ZBTB25: variants seen among roughly 807,000 people sequenced by gnomAD.
ZBTB25 encodes the protein zinc finger and BTB domain containing 25.
Under a neutral mutation model 34.2 loss-of-function variants are expected in ZBTB25, and 20 were observed. The observed-to-expected ratio is 0.58, with a 90% CI of 0.41 to 0.85. The LOEUF (loss-of-function observed/expected upper bound fraction) is 0.85. ZBTB25 is among the 40% of genes least tolerant of loss of function. The pLI, the probability that ZBTB25 is intolerant of heterozygous loss-of-function variation, is 0.00. For missense variants in ZBTB25, 437 were observed against 521.8 expected, an observed-to-expected ratio of 0.84 and a Z score of 1.58; for synonymous variants, 175 against 186.4, an observed-to-expected ratio of 0.94 and a Z score of 0.50.
At chr14:64,474,387 T>G (rs967681868), downstream of ZBTB25, 3 of 167,128 alleles carry the variant, frequency 1.8e-5, no homozygotes, top group Non-Finnish European at 4.4e-5. Context: ...TTAAAATTAG[T>G]ACTAAATTAC....
chr14:64,458,458 G>C (rs1463925550), intron 2 of ZBTB25: 2 of 699,532 alleles, frequency 2.9e-6, no homozygotes, highest in Non-Finnish European at 5.2e-6. Flanking sequence ...GGATAGTAAT[G>C]AGAGTTGGCA....
intron 1 of ZBTB25, among the ~76,000 whole-genome samples, chr14:64,496,371 G>A (rs2079276095): frequency 6.6e-6 from 1 of 151,994 alleles, no homozygotes; most frequent in Non-Finnish European, 1.5e-5. Flanking sequence ...TGTAATCCCA[G>A]CTACTCGGGA....
chr14:64,452,489 G>C (rs1037837410), intron 2 of ZBTB25, among the ~76,000 whole-genome samples: 2 of 152,188 alleles, frequency 1.3e-5, no homozygotes, highest in African/African-American at 4.8e-5. Context: ...CAGCATTTAA[G>C]AAGCCAGCTC....
chr14:64,496,788 C>A (rs1452357493), intron 1 of ZBTB25, among the ~76,000 whole-genome samples: 1 of 152,204 alleles, frequency 6.6e-6, no homozygotes, highest in Non-Finnish European at 1.5e-5. Context: ...TATTGAGAAT[C>A]TGTTCTTACA....
chr14:64,453,816 A>C, intron 2 of ZBTB25: 1 of 1,613,268 alleles, frequency 6.2e-7, no homozygotes, highest in African/African-American at 1.3e-5. Context: ...ATGACATTGA[A>C]TTACTTCCCG....
intron 2 of ZBTB25, chr14:64,455,164 C>T: frequency 2.4e-6 from 1 of 417,514 alleles, no homozygotes; most frequent in Non-Finnish European, 4.5e-6. Context: ...TAGGATGAGC[C>T]CAGTTGATAG....
chr14:64,449,272 G>A, exon 3 of ZBTB25: 1 of 713,870 alleles, frequency 1.4e-6, no homozygotes, highest in South Asian at 1.6e-5. Context: ...TAGGTAACTG[G>A]CCAAAAGTCA....
chr14:64,469,212 A>G (rs748249285), intron 2 of ZBTB25: 6 of 1,614,014 alleles, frequency 3.7e-6, no homozygotes, highest in East Asian at 2.2e-5. Context: ...GCAATTCCAG[A>G]TCAACAAATT....
chr14:64,492,240 C>G (rs1190736301), intron 1 of ZBTB25, among the ~76,000 whole-genome samples: 2 of 148,568 alleles, frequency 1.3e-5, no homozygotes, highest in African/African-American at 4.9e-5. Context: ...GAGTTTTGCT[C>G]TTGTTGACCA....
At chr14:64,453,439 C>T (rs969306756) in intron 2 of ZBTB25, among the ~76,000 whole-genome samples, 56 of 152,156 alleles carry the variant, frequency 3.7e-4, no homozygotes, top group African/African-American at 1.1e-3. Flanking sequence ...GGCTTGGTTG[C>T]GCATGCCTAT....
At chr14:64,457,569 C>T (rs1596572387) in intron 2 of ZBTB25, among the ~76,000 whole-genome samples, 1 of 151,890 alleles carries the variant, frequency 6.6e-6, no homozygotes, top group African/African-American at 2.4e-5. Flanking sequence ...GATTCTCCTG[C>T]CTCAGCCTCC....
At chr14:64,490,590 A>G (rs1344617719) in intron 1 of ZBTB25, 50 bp from the exon 2 acceptor site, 11 of 1,408,342 alleles carry the variant, frequency 7.8e-6, no homozygotes, top group Non-Finnish European at 1.0e-5. Flanking sequence ...GTATATACGC[A>G]TTATTTTTTA....
At chr14:64,495,291 A>G (rs2079229647) in intron 1 of ZBTB25, among the ~76,000 whole-genome samples, 1 of 152,226 alleles carries the variant, frequency 6.6e-6, no homozygotes. Flanking sequence ...GGTGGACAGC[A>G]GCTGAAATCT....
chr14:64,450,500 TTACTC>T (rs1468303073), intron 2 of ZBTB25, among the ~76,000 whole-genome samples: 2 of 152,222 alleles, frequency 1.3e-5, no homozygotes, highest in Admixed American at 1.3e-4. Context: ...AGAGCCCTGC[TTACTC>T]TATGATACAA....
upstream of ZBTB25, chr14:64,503,933 GCTCTGA>G (rs2079587660): frequency 6.6e-6 from 1 of 152,108 alleles, no homozygotes; most frequent in African/African-American, 2.4e-5. Flanking sequence ...GTCGGCCCGC[GCTCTGA>G]GTGCCGCCGC....
In ZBTB25 at chr14:64,485,899, T is replaced by C. The variant is rs949836961; in HGVS notation, c.*1024A>G. 1 of 985,348 alleles carries C rather than the reference T, an allele frequency of 1.0e-6. No individual in the cohort carries two copies. The highest frequency in any genetic ancestry group is 1.7e-5 in the African/African-American group (1 of 57,248). 61.0% of individuals were successfully genotyped at this position (985,348 alleles called of 1,614,324 possible). ...TAACAACCCTGGGGTTTTTAGTCAA[T>C]GCAGTTCTAGCTCAGTCTCTGTCTC... is the stretch of plus-strand genomic sequence containing the variant. On this transcript the variant is annotated 3_prime_UTR_variant, in exon 3 of 3. Coordinates refer to ENST00000608382, the MANE Select transcript of ZBTB25 (RefSeq NM_006977.5).
chr14:64,472,174 A>AT (rs2078679670), intron 2 of ZBTB25: 1 of 167,098 alleles, frequency 6.0e-6, no homozygotes, highest in Non-Finnish European at 1.5e-5. Flanking sequence ...TTAACTCACT[A>AT]TATGTGGTGC....
intron 1 of ZBTB25, among the ~76,000 whole-genome samples, chr14:64,493,682 C>T (rs2079167187): frequency 6.6e-6 from 1 of 152,028 alleles, no homozygotes; most frequent in Non-Finnish European, 1.5e-5. Flanking sequence ...AAAGGTGAGT[C>T]TCAGAATTCC....
At chr14:64,456,547 G>A (rs2078476902) in intron 2 of ZBTB25, among the ~76,000 whole-genome samples, 1 of 152,124 alleles carries the variant, frequency 6.6e-6, no homozygotes, top group African/African-American at 2.4e-5. Context: ...ACTCATCACT[G>A]TTTAGGGAAC....
Sources: gnomAD v4.1 joint callset for allele counts (sites outside exome capture counted in the v4.1 genomes callset) on GRCh38, gnomAD v4.1.1 for gene constraint, MANE v1.5 for transcripts, NCBI Gene and HGNC (gene_info 2026-07-23, HGNC 2026-07-21) for gene names.